The following RAB38 variants were observed in gnomAD, a reference collection of about 807,000 sequenced individuals.
RAB38 encodes the protein RAB38, member RAS oncogene family.
A neutral mutation model predicts 18.4 loss-of-function variants in RAB38; 15 were observed. The observed-to-expected ratio is 0.82, with a 90% CI of 0.55 to 1.26. The LOEUF (loss-of-function observed/expected upper bound fraction) is 1.26, where lower values mean the gene tolerates loss of function less well. RAB38 is among the 50% of genes most tolerant of loss of function. The pLI is 0.00. For synonymous variants in RAB38, 101 were observed against 104.4 expected, an observed-to-expected ratio of 0.97 and a Z score of 0.20; for missense variants, 294 against 267.4, an observed-to-expected ratio of 1.10 and a Z score of -0.69.
chr11:88,140,835 T>C (rs1387861494), intron 2 of RAB38, among the ~76,000 whole-genome samples: 1 of 152,216 alleles, frequency 6.6e-6, no homozygotes, highest in Non-Finnish European at 1.5e-5. Context: ...GACCTGGTTA[T>C]ATGGTGTCCA....
At chr11:88,053,107 CAT>C in the RAB38 span, among the ~76,000 whole-genome samples, 2 of 127,594 alleles carry the variant, frequency 1.6e-5, no homozygotes, top group Admixed American at 9.0e-5. Context: ...TATATATACA[CAT>C]ATATATGGAA....
the RAB38 span, among the ~76,000 whole-genome samples, chr11:88,064,426 G>A: frequency 6.6e-6 from 1 of 152,172 alleles, no homozygotes; most frequent in Non-Finnish European, 1.5e-5. Context: ...TTACCCATGT[G>A]ATCTTGTATA....
the RAB38 span, among the ~76,000 whole-genome samples, chr11:87,893,304 A>G: frequency 0.016 from 661 of 42,324 alleles, 5 homozygotes; most frequent in African/African-American, 0.04. Flanking sequence ...GTGTGTGTGT[A>G]TATATATACA....
At chr11:87,931,130 A>G in the RAB38 span, among the ~76,000 whole-genome samples, 6 of 152,266 alleles carry the variant, frequency 3.9e-5, no homozygotes, top group East Asian at 9.7e-4. Context: ...TGGGGATGGC[A>G]TTGAATCTAT....
the RAB38 span, among the ~76,000 whole-genome samples, chr11:88,039,768 G>T: frequency 6.6e-6 from 1 of 152,124 alleles, no homozygotes; most frequent in Non-Finnish European, 1.5e-5. Context: ...GAGAACTTCA[G>T]GCACAGTGAC....
chr11:88,036,649 G>T, the RAB38 span, among the ~76,000 whole-genome samples: 62 of 152,028 alleles, frequency 4.1e-4, 1 homozygote, highest in South Asian at 0.012. Context: ...ATATAAATAT[G>T]TTATCAATCA....
chr11:88,159,634 T>A (rs113803479), intron 1 of RAB38, among the ~76,000 whole-genome samples: 1 of 151,872 alleles, frequency 6.6e-6, no homozygotes, highest in African/African-American at 2.4e-5. Context: ...AACAGACACA[T>A]AGACCAATGA....
At chr11:87,873,922 G>GTGTGTATATATATATATATATATATATA in the RAB38 span, among the ~76,000 whole-genome samples, 19 of 103,074 alleles carry the variant, frequency 1.8e-4, no homozygotes, top group South Asian at 6.7e-4. Flanking sequence ...GTGTGTGTGT[G>GTGTGTATATATATATATATATATATATA]TATATATATA....
At chr11:88,003,484 A>G in the RAB38 span, among the ~76,000 whole-genome samples, 1 of 34,138 alleles carries the variant, frequency 2.9e-5, no homozygotes, top group Non-Finnish European at 5.7e-5. Flanking sequence ...AATAGATTGT[A>G]TATATTATAT....
At chr11:87,944,105 A>G in the RAB38 span, among the ~76,000 whole-genome samples, 2 of 152,276 alleles carry the variant, frequency 1.3e-5, no homozygotes, top group South Asian at 4.1e-4. Context: ...TTATGTTTAT[A>G]CTATGGTCTA....
the RAB38 span, among the ~76,000 whole-genome samples, chr11:88,053,369 G>A: frequency 2.6e-3 from 62 of 23,412 alleles, no homozygotes; most frequent in African/African-American, 4.2e-3. Flanking sequence ...ACATATATAT[G>A]GAATATATAT....
chr11:88,021,416 A>G, the RAB38 span, among the ~76,000 whole-genome samples: 2 of 152,056 alleles, frequency 1.3e-5, no homozygotes, highest in Non-Finnish European at 2.9e-5. Context: ...CAGACCAATA[A>G]TAAGTAATAA....
chr11:88,005,702 T>G, the RAB38 span, among the ~76,000 whole-genome samples: 1 of 125,882 alleles, frequency 7.9e-6, no homozygotes, highest in South Asian at 3.1e-4. Context: ...CTTTTCCCTG[T>G]TTTTTACAAG....
chr11:87,904,815 G>A, the RAB38 span, among the ~76,000 whole-genome samples: 1 of 151,524 alleles, frequency 6.6e-6, no homozygotes, highest in African/African-American at 2.4e-5. Context: ...GTTTTGATAA[G>A]GTTGTAACAT....
At chr11:88,063,408 T>C in the RAB38 span, among the ~76,000 whole-genome samples, 6 of 152,068 alleles carry the variant, frequency 3.9e-5, no homozygotes, top group Admixed American at 3.9e-4. Flanking sequence ...AAGGTACCAT[T>C]CCTACACTCA....
the RAB38 span, among the ~76,000 whole-genome samples, chr11:87,972,790 C>T: frequency 1.3e-5 from 2 of 151,926 alleles, no homozygotes; most frequent in African/African-American, 2.4e-5. Flanking sequence ...GAAATACCAA[C>T]GTAATATGGT....
At chr11:88,028,082 G>C in the RAB38 span, among the ~76,000 whole-genome samples, 1 of 152,202 alleles carries the variant, frequency 6.6e-6, no homozygotes, top group Non-Finnish European at 1.5e-5. Flanking sequence ...AAAAACCACT[G>C]TTCTGCAGAC....
At chr11:87,865,366 A>T in the RAB38 span, among the ~76,000 whole-genome samples, 47,562 of 151,522 alleles carry the variant, frequency 0.31, 9,273 homozygotes, top group African/African-American at 0.53. Context: ...GGAAAAAATA[A>T]AAGGAAATAA....
chr11:88,034,021 C>T, the RAB38 span, among the ~76,000 whole-genome samples: 51 of 152,290 alleles, frequency 3.3e-4, no homozygotes, highest in African/African-American at 1.2e-3. Context: ...GCCACCGCGC[C>T]CTGCAGTTGT....
Sources: gnomAD v4.1 joint callset for allele counts (sites outside exome capture counted in the v4.1 genomes callset) on GRCh38, gnomAD v4.1.1 for gene constraint, MANE v1.5 for transcripts, NCBI Gene and HGNC (gene_info 2026-07-23, HGNC 2026-07-21) for gene names.